The following TMEM131L variants were observed in gnomAD, a reference collection of about 807,000 sequenced individuals.
TMEM131L encodes transmembrane protein 131-like.
Under a neutral mutation model 192.2 loss-of-function variants are expected in TMEM131L, and 54 were observed. The ratio of observed to expected loss-of-function variants is 0.28; its 90% confidence interval spans 0.23 to 0.35. The LOEUF (loss-of-function observed/expected upper bound fraction) is 0.35, where lower values mean the gene tolerates loss of function less well. Among genes scored for constraint, TMEM131L ranks in the 10% least tolerant of loss-of-function variants. The pLI is 1.00. For missense variants in TMEM131L, 1,888 were observed against 1,972.9 expected, an observed-to-expected ratio of 0.96 and a Z score of 0.82; for synonymous variants, 701 against 704.9, an observed-to-expected ratio of 0.99 and a Z score of 0.09.
At chr4:153,535,246 A>C (rs1404748578) in intron 3 of TMEM131L, among the ~76,000 whole-genome samples, 1 of 152,094 alleles carries the variant, frequency 6.6e-6, no homozygotes, top group Admixed American at 6.6e-5. Context: ...TGAACAACTG[A>C]GCGGAGATGG....
intron 3 of TMEM131L, among the ~76,000 whole-genome samples, chr4:153,474,853 G>T (rs1468023361): frequency 6.6e-6 from 1 of 152,098 alleles, no homozygotes; most frequent in Non-Finnish European, 1.5e-5. Flanking sequence ...ACCGCACTCG[G>T]TCCTGTGAAT....
chr4:153,632,712 C>G lies in TMEM131L; in HGVS notation c.4208-6C>G. On this transcript the variant is annotated splice_region_variant and splice_polypyrimidine_tract_variant and intron_variant, in intron 31 of 34. Transcript: ENST00000409959. ...GGGTGGACTCAGGCCTTGTTCTCTT[C>G]CGTAGGTCTTTACTCACCTGGAGAC... 6.2e-7 allele frequency: 1 copy of G among 1,614,036 alleles called. No homozygotes were observed. Among genetic ancestry groups the G allele is most frequent in the East Asian group, 2.2e-5 (1 of 44,872 alleles).
At chr4:153,562,821 A>G (rs753268431) in intron 7 of TMEM131L, among the ~76,000 whole-genome samples, 13 of 152,240 alleles carry the variant, frequency 8.5e-5, no homozygotes, top group Non-Finnish European at 1.6e-4. Flanking sequence ...TGGTTTAGGA[A>G]TAAAATTTGA....
intron 3 of TMEM131L, among the ~76,000 whole-genome samples, chr4:153,521,786 G>T (rs964003363): frequency 9.3e-5 from 14 of 150,814 alleles, no homozygotes; most frequent in African/African-American, 3.4e-4. Flanking sequence ...TACGTTACTT[G>T]TCTTTTTAGG....
chr4:153,486,017 T>G (rs1732306099), intron 3 of TMEM131L, among the ~76,000 whole-genome samples: 1 of 152,224 alleles, frequency 6.6e-6, no homozygotes, highest in African/African-American at 2.4e-5. Flanking sequence ...CATACTTGTC[T>G]GCTTTGGAGT....
At chr4:153,574,937 A>T (rs572844313) in intron 7 of TMEM131L, among the ~76,000 whole-genome samples, 8 of 152,192 alleles carry the variant, frequency 5.3e-5, no homozygotes, top group Non-Finnish European at 8.8e-5. Flanking sequence ...AAAATTGTGA[A>T]AGGGGAGAAA....
chr4:153,486,262 A>G (rs1732323034), intron 3 of TMEM131L, among the ~76,000 whole-genome samples: 1 of 152,212 alleles, frequency 6.6e-6, no homozygotes, highest in Admixed American at 6.5e-5. Context: ...CTAAGTGTGG[A>G]TTATCCACAG....
At chr4:153,495,820 G>A (rs1701758916) in intron 3 of TMEM131L, among the ~76,000 whole-genome samples, 1 of 152,182 alleles carries the variant, frequency 6.6e-6, no homozygotes, top group Non-Finnish European at 1.5e-5. Flanking sequence ...ATCTTATTTA[G>A]GAATAAAACG....
intron 7 of TMEM131L, among the ~76,000 whole-genome samples, chr4:153,566,512 A>AGTGT (rs771656973): frequency 5.3e-5 from 6 of 113,418 alleles, no homozygotes; most frequent in African/African-American, 7.7e-5. Context: ...TTTGTGTGTG[A>AGTGT]GTGTGAGTGT....
At chr4:153,466,693 C>T (rs114063000) in intron 1 of TMEM131L, among the ~76,000 whole-genome samples, 172 bp downstream of exon 1, 2 of 152,174 alleles carry the variant, frequency 1.3e-5, no homozygotes, top group Non-Finnish European at 2.9e-5. Flanking sequence ...CACAGCGTCC[C>T]GTCCCGCGCC....
intron 3 of TMEM131L, among the ~76,000 whole-genome samples, chr4:153,545,381 G>A (rs1275095757): frequency 3.3e-5 from 5 of 149,432 alleles, no homozygotes; most frequent in Non-Finnish European, 5.9e-5. Flanking sequence ...TCCGCCTCCC[G>A]GGTTCACGCC....
At chr4:153,502,973 CT>C (rs397755880) in intron 3 of TMEM131L, among the ~76,000 whole-genome samples, 3 of 150,250 alleles carry the variant, frequency 2.0e-5, no homozygotes, top group Non-Finnish European at 1.5e-5. Context: ...GCAGGGTCAT[CT>C]TTTTTTTTTC....
chr4:153,603,835 C>A lies in TMEM131L; in HGVS notation c.2823C>A (p.Gly941=). 6.2e-7 allele frequency: 1 copy of A among 1,606,576 alleles called. No individual in the cohort carries two copies. ...SNCKNFLDTY[G]PSDKGRGKNC... is the part of the protein sequence containing the mutation. ...GCAAGAACTTTCTCGATACATATGGCCCCTCTGATAAAGGCAGGGGGAAGA... is the reference window on the plus strand; with the variant it reads ...GCAAGAACTTTCTCGATACATATGGACCCTCTGATAAAGGCAGGGGGAAGA... The change falls in exon 25 of 35, where the codon GGC becomes GGA. Residue 941 remains glycine, a synonymous_variant. Coordinates refer to ENST00000409959, the MANE Select transcript of TMEM131L (RefSeq NM_001131007.2).
rs1197040724 is a variant in TMEM131L, at chr4:153,595,486, T to C, written c.1996-772T>C. 1.4e-4 allele frequency among the ~76,000 whole-genome samples: 21 copies of C among 152,118 alleles called. 1 individual carries two copies. Among genetic ancestry groups the C allele is most frequent in the Admixed American group, 1.4e-3 (21 of 15,264 alleles). On this transcript the variant is annotated intron_variant, in intron 19 of 34. Transcript: ENST00000409959. Reference sequence around the variant, plus strand: ...TCAAATACTATTACTATTCTCTTTTTCAGATGGCATGGGTAACACTAGCAA... The same window carrying C: ...TCAAATACTATTACTATTCTCTTTTCCAGATGGCATGGGTAACACTAGCAA...
At chr4:153,508,891 G>A (rs1249357976) in intron 3 of TMEM131L, among the ~76,000 whole-genome samples, 4 of 151,742 alleles carry the variant, frequency 2.6e-5, no homozygotes, top group Non-Finnish European at 4.4e-5. Context: ...TGATCTTCCC[G>A]CCTTGGCCTC....
intron 9 of TMEM131L, among the ~76,000 whole-genome samples, chr4:153,582,880 TG>T (rs1484621910): frequency 1.3e-5 from 2 of 152,144 alleles, no homozygotes; most frequent in Non-Finnish European, 2.9e-5. Flanking sequence ...GTCGTCCAGT[TG>T]GTTAGTTTCA....
chr4:153,552,678 T>C (rs556728047), intron 4 of TMEM131L, among the ~76,000 whole-genome samples: 1 of 151,992 alleles, frequency 6.6e-6, no homozygotes, highest in African/African-American at 2.4e-5. Flanking sequence ...AAAATTTTTT[T>C]TAAAAATTAG....
chr4:153,476,711 C>G (rs935451781), intron 3 of TMEM131L, among the ~76,000 whole-genome samples: 8 of 151,828 alleles, frequency 5.3e-5, no homozygotes, highest in Non-Finnish European at 1.2e-4. Context: ...AAAACAAAAA[C>G]AAAACAAAAC....
chr4:153,498,320 C>A (rs1355786479), intron 3 of TMEM131L, among the ~76,000 whole-genome samples: 1 of 152,152 alleles, frequency 6.6e-6, no homozygotes, highest in African/African-American at 2.4e-5. Context: ...AGCCCACTTA[C>A]GGACAGAGAG....
Sources: allele counts gnomAD v4.1 joint callset (sites outside exome capture counted in the v4.1 genomes callset), GRCh38; gene constraint gnomAD v4.1.1; transcripts MANE v1.5; gene names NCBI Gene and HGNC (gene_info 2026-07-23, HGNC 2026-07-21).